The following AUH variants were observed in gnomAD, a reference collection of about 807,000 sequenced individuals.
The protein encoded by AUH is methylglutaconyl-CoA hydratase, mitochondrial.
A neutral mutation model predicts 42.3 loss-of-function variants in AUH; 29 were observed. That is an observed-to-expected ratio of 0.69 (90% confidence interval 0.51 to 0.93). AUH has a LOEUF of 0.93. Among genes scored for constraint, AUH ranks in the 40% least tolerant of loss-of-function variants. The pLI is 0.00. For missense variants in AUH, 452 were observed against 438.1 expected (o/e 1.03, Z -0.28); for synonymous variants, 174 against 166.4 (o/e 1.05, Z -0.35).
intron 6 of AUH, among the ~76,000 whole-genome samples, chr9:91,225,020 C>A (rs1827355296): frequency 6.6e-6 from 1 of 152,154 alleles, no homozygotes; most frequent in East Asian, 1.9e-4. Flanking sequence ...TTACAAATAT[C>A]TCCGGAATAG....
At chr9:91,302,009 A>C (rs1028196899) in intron 4 of AUH, among the ~76,000 whole-genome samples, 1 of 152,234 alleles carries the variant, frequency 6.6e-6, no homozygotes, top group Non-Finnish European at 1.5e-5. Context: ...TCATTTTACA[A>C]TATTATAAAT....
At chr9:91,252,116 G>A (rs1358299816) in intron 6 of AUH, among the ~76,000 whole-genome samples, 10 of 152,022 alleles carry the variant, frequency 6.6e-5, no homozygotes, top group African/African-American at 2.2e-4. Flanking sequence ...ACAGGAGCCC[G>A]CCACCATGCC....
intron 6 of AUH, among the ~76,000 whole-genome samples, chr9:91,267,317 G>T (rs1247316906): frequency 1.3e-5 from 2 of 152,244 alleles, no homozygotes; most frequent in East Asian, 3.9e-4. Context: ...CAAGTACCTT[G>T]CCATAATTAG....
chr9:91,356,160 T>A lies in AUH; in HGVS notation c.263-5A>T. 6.2e-7 allele frequency: 1 copy of A among 1,613,116 alleles called. No individual in the cohort carries two copies. Among genetic ancestry groups the A allele is most frequent in the African/African-American group, 1.3e-5 (1 of 75,004 alleles). The stretch of plus-strand genomic sequence containing the variant: ...TTATTCCAAGCACCACAATTCCTAG[T>A]TAAAGGGGAAAAAAAGTACAAGCAC... On this transcript the variant is annotated splice_polypyrimidine_tract_variant and splice_region_variant and intron_variant, in intron 1 of 9. Coordinates refer to ENST00000375731, the MANE Select transcript of AUH (RefSeq NM_001698.3).
intron 8 of AUH, among the ~76,000 whole-genome samples, chr9:91,216,457 C>CA (rs1193233089): frequency 1.3e-5 from 2 of 151,932 alleles, no homozygotes; most frequent in East Asian, 3.9e-4. Flanking sequence ...CACACACACA[C>CA]ACACACGATG....
intron 6 of AUH, among the ~76,000 whole-genome samples, chr9:91,265,460 T>C (rs750270875): frequency 8.5e-5 from 13 of 152,198 alleles, no homozygotes; most frequent in Admixed American, 2.0e-4. Flanking sequence ...TCTTTCACAC[T>C]GTCAATTCTC....
chr9:91,282,116 G>C (rs964109651), intron 6 of AUH, among the ~76,000 whole-genome samples: 2 of 152,018 alleles, frequency 1.3e-5, no homozygotes, highest in South Asian at 2.1e-4. Flanking sequence ...CCTCCTCTCT[G>C]CTCTGGTTGT....
intron 6 of AUH, among the ~76,000 whole-genome samples, chr9:91,274,331 C>A (rs1428008415): frequency 3.9e-5 from 6 of 152,192 alleles, no homozygotes; most frequent in Admixed American, 2.6e-4. Flanking sequence ...GAAACAGTTC[C>A]TTCCCTACTG....
At chr9:91,306,446 A>T in intron 4 of AUH, 1 of 906,708 alleles carries the variant, frequency 1.1e-6, no homozygotes. Flanking sequence ...ATAAAAAGAT[A>T]ACATACCATA....
chr9:91,344,994 T>A (rs1411654514), intron 3 of AUH, among the ~76,000 whole-genome samples: 1 of 148,590 alleles, frequency 6.7e-6, no homozygotes, highest in African/African-American at 2.5e-5. Flanking sequence ...TTGACAAAAT[T>A]CAATACATGT....
At chr9:91,310,445 T>C (rs946020058) in intron 4 of AUH, among the ~76,000 whole-genome samples, 9 of 152,346 alleles carry the variant, frequency 5.9e-5, no homozygotes, top group Non-Finnish European at 1.2e-4. Flanking sequence ...TGCTCATTAC[T>C]AGACACTAGG....
intron 4 of AUH, among the ~76,000 whole-genome samples, chr9:91,298,346 A>G (rs1827513818): frequency 6.6e-6 from 1 of 152,192 alleles, no homozygotes. Context: ...TTTTTTGTTG[A>G]ATTAACAGAA....
At chr9:91,313,502 G>A (rs954712614) in intron 4 of AUH, among the ~76,000 whole-genome samples, 6 of 151,470 alleles carry the variant, frequency 4.0e-5, no homozygotes, top group East Asian at 2.0e-4. Context: ...TCAGGAGATC[G>A]AGACCATCCT....
At chr9:91,315,558 C>T (rs528611965) in intron 4 of AUH, among the ~76,000 whole-genome samples, 1 of 152,006 alleles carries the variant, frequency 6.6e-6, no homozygotes, top group Middle Eastern at 3.2e-3. Context: ...ACATAAAGCT[C>T]TCCTTTCTAA....
chr9:91,333,483 A>G (rs1400208124), intron 3 of AUH, among the ~76,000 whole-genome samples: 1 of 152,218 alleles, frequency 6.6e-6, no homozygotes, highest in Non-Finnish European at 1.5e-5. Flanking sequence ...AAGCAAAAAT[A>G]TATTTCAAAT....
At chr9:91,297,902 GAATAA>G in intron 5 of AUH, 77 bp downstream of exon 5, 1 of 1,136,104 alleles carries the variant, frequency 8.8e-7, no homozygotes, top group Non-Finnish European at 1.3e-6. Flanking sequence ...ACAGGAAGCA[GAATAA>G]AATATTTAAA....
intron 6 of AUH, among the ~76,000 whole-genome samples, chr9:91,285,753 T>C (rs1428695722): frequency 6.6e-6 from 1 of 152,114 alleles, no homozygotes; most frequent in Non-Finnish European, 1.5e-5. Flanking sequence ...CAAAAAGAAC[T>C]AGTCACTGAA....
intron 2 of AUH, 52 bp from the exon 3 acceptor site, chr9:91,356,022 A>G: frequency 6.3e-7 from 1 of 1,598,090 alleles, no homozygotes; most frequent in Non-Finnish European, 8.6e-7. Context: ...AAAACAAAAC[A>G]TTTTTACATT....
intron 6 of AUH, among the ~76,000 whole-genome samples, chr9:91,224,651 C>CTT (rs2131242086): frequency 6.6e-6 from 1 of 152,280 alleles, no homozygotes; most frequent in Admixed American, 6.5e-5. Context: ...ATTCCTAACA[C>CTT]TATTTCCTGA....
Sources: allele counts gnomAD v4.1 joint callset (sites outside exome capture counted in the v4.1 genomes callset), GRCh38; gene constraint gnomAD v4.1.1; transcripts MANE v1.5; gene names NCBI Gene and HGNC (gene_info 2026-07-23, HGNC 2026-07-21).